The following DMAC2 variants were observed in gnomAD, a reference collection of about 807,000 sequenced individuals.
DMAC2 encodes distal membrane-arm assembly complex protein 2.
In DMAC2, 32 loss-of-function variants were observed where a neutral mutation model predicts 29.6. The ratio of observed to expected loss-of-function variants is 1.08; its 90% CI spans 0.81 to 1.45. DMAC2 has a LOEUF of 1.45. Ranked by LOEUF, DMAC2 falls within the 40% of genes most tolerant of loss-of-function variation. The pLI is 0.00. For missense variants in DMAC2, 319 were observed against 340.0 expected (o/e 0.94, Z 0.49); for synonymous variants, 133 against 137.4 (o/e 0.97, Z 0.23).
intron 2 of DMAC2, 69 bp from the exon 3 acceptor site, chr19:41,436,541 G>GT: frequency 8.0e-7 from 1 of 1,245,436 alleles, no homozygotes; most frequent in African/African-American, 1.5e-5. Flanking sequence ...CCCCAGTGCT[G>GT]TTAAGAGGGG....
intron 1 of DMAC2, among the ~76,000 whole-genome samples, chr19:41,438,711 G>T (rs2304242): frequency 0.35 from 52,450 of 151,816 alleles, 10,153 homozygotes; most frequent in East Asian, 0.56. Flanking sequence ...TGCATTATTT[G>T]ACCTCTTAAT....
chr19:41,437,260 G>A (rs1555771510), intron 2 of DMAC2, among the ~76,000 whole-genome samples: 2 of 151,938 alleles, frequency 1.3e-5, no homozygotes, highest in Non-Finnish European at 2.9e-5. Context: ...ATTAGGTGTG[G>A]TGGCGCCTGC....
chr19:41,436,239 A>T (rs970972514), intron 3 of DMAC2, among the ~76,000 whole-genome samples, 153 bp downstream of exon 3: 30 of 152,196 alleles, frequency 2.0e-4, no homozygotes, highest in Non-Finnish European at 2.5e-4. Flanking sequence ...TTTACACGTG[A>T]CAAAACTGAA....
Position 41,433,614 on chromosome 19 carries a change from C to G in DMAC2, c.356G>C (p.Trp119Ser). Reference sequence around the variant, plus strand: ...TTCGACAGGCACTTCACAGAAATTCCAGAACTCCTGAGAGAAATGGCCATA... The same window carrying G: ...TTCGACAGGCACTTCACAGAAATTCGAGAACTCCTGAGAGAAATGGCCATA... ...DKYGHFSQEF[W>S]NFCEVPVEAV... Residue 119 changes from tryptophan to serine, a missense_variant, in exon 4 of 6, where the codon TGG (tryptophan) becomes TCG (serine). Transcript: ENST00000221943. 6.2e-7 allele frequency: 1 copy of G among 1,614,216 alleles called. No individual in the cohort carries two copies. Among genetic ancestry groups the G allele is most frequent in the Non-Finnish European group, 8.5e-7 (1 of 1,180,032 alleles).
chr19:41,432,311 C>G lies in DMAC2; in HGVS notation c.694G>C (p.Val232Leu), dbSNP rs782673118. The G allele has an allele frequency of 1.2e-6, 2 of 1,614,062 alleles. No homozygotes were observed. Among genetic ancestry groups the G allele is most frequent in the Non-Finnish European group, 1.7e-6 (2 of 1,180,044 alleles). The change falls in exon 6 of 6, where the codon GTG becomes CTG. Residue 232 changes from valine (V) to leucine (L), a missense_variant. By Grantham distance (32) the Val-to-Leu change is conservative. Coordinates refer to ENST00000221943, the MANE Select transcript of DMAC2 (RefSeq NM_018035.3). ...VEEMLPNCEV[V>L]GVDWAEGLKS... ...AGGCCCTCAGCCCAGTCGACTCCCA[C>G]AACCTCGCAATTGGGCAGCATCTCC...
chr19:41,432,444 AG>A, intron 5 of DMAC2, 36 bp from the exon 6 acceptor site: 1 of 1,604,242 alleles, frequency 6.2e-7, no homozygotes, highest in Non-Finnish European at 8.5e-7. Flanking sequence ...AGCCAGTGTA[AG>A]GACAGCATGT....
intron 1 of DMAC2, chr19:41,439,210 C>A: frequency 2.4e-6 from 1 of 420,262 alleles, no homozygotes; most frequent in South Asian, 3.0e-5. Flanking sequence ...TTTGCTTTAA[C>A]CAAATTCTTT....
chr19:41,435,088 C>G (rs1039691196), intron 3 of DMAC2, among the ~76,000 whole-genome samples: 22 of 152,128 alleles, frequency 1.4e-4, no homozygotes, highest in African/African-American at 5.1e-4. Context: ...TCTCACTCCC[C>G]CTGACAGGGT....
In DMAC2 at chr19:41,438,617, C is replaced by T. The variant is rs549773318; in HGVS notation, c.19-203G>A. ...AAGTTCCTCCTCCCCTTAGTGAACC[C>T]TAAATTTTCTCGACTAGCCATATAT... is the stretch of plus-strand genomic sequence containing the variant. On this transcript the variant is annotated intron_variant, in intron 1 of 5. Transcript: ENST00000221943. Among the ~76,000 whole-genome samples, 6 of 152,296 alleles carry T rather than the reference C, an allele frequency of 3.9e-5. No homozygotes were observed. The South Asian group carries it at 1.0e-3, about 26-fold the overall frequency.
In DMAC2 at chr19:41,439,867, A is replaced by G. The variant is rs1338612517; in HGVS notation, c.18+15T>C. On this transcript the variant is annotated intron_variant, in intron 1 of 5. Coordinates refer to ENST00000221943, the MANE Select transcript of DMAC2 (RefSeq NM_018035.3). ...GGACTTCAAATTTGGGGCTCTAGGA[A>G]CTCCGGTCACTTACCGCCCAGGGAG... 2 of 1,613,682 alleles carry G rather than the reference A, an allele frequency of 1.2e-6. No individual in the cohort carries two copies. The highest frequency in any genetic ancestry group is 1.7e-6 in the Non-Finnish European group (2 of 1,179,970).
At chr19:41,438,695 A>G (rs180913570) in intron 1 of DMAC2, among the ~76,000 whole-genome samples, 1 of 152,194 alleles carries the variant, frequency 6.6e-6, no homozygotes, top group East Asian at 1.9e-4. Flanking sequence ...CTTATCACTC[A>G]AAACCTGCAT....
Position 41,433,578 on chromosome 19 carries a change from G to A in DMAC2, c.392C>T (p.Ala131Val), listed in dbSNP as rs576191896. Residue 131 changes from alanine (A) to valine (V), a missense_variant, in exon 4 of 6, where the codon GCC becomes GTC. Coordinates refer to ENST00000221943, the MANE Select transcript of DMAC2 (RefSeq NM_018035.3). ...CTCGTAGTTGATGTCACAGTCACCG[G>A]CATCCACAGCTTCGACAGGCACTTC... ...FCEVPVEAVD[A>V]GDCDINYEGL... is the part of the protein sequence containing the mutation. The A allele has an allele frequency of 1.5e-5, 24 of 1,614,036 alleles. No homozygotes were observed. The highest frequency in any genetic ancestry group is 2.0e-5 in the Non-Finnish European group (24 of 1,180,030).
rs72065187 is a variant in DMAC2, at chr19:41,432,706, C to CGTGTGT, written c.597-304_597-299dup. ...GGGAGATAAGCCAGTATAAGGACAG[C>CGTGTGT]GTGTGTGTGTGTGTGTGTGTGTGTA... On this transcript the variant is annotated intron_variant, in intron 5 of 5. Transcript: ENST00000221943. The CGTGTGT allele has an allele frequency of 3.1e-3, 651 of 209,054 alleles. 18 individuals are homozygous for CGTGTGT. Among genetic ancestry groups the CGTGTGT allele is most frequent in the African/African-American group, 0.029 (581 of 20,008 alleles). 12.9% of individuals were successfully genotyped at this position (209,054 alleles called of 1,614,324 possible). A position where few individuals can be genotyped will look rare whatever the true frequency, so the allele number is the denominator to read the frequency against.
intron 3 of DMAC2, among the ~76,000 whole-genome samples, chr19:41,436,033 G>A (rs1196359028): frequency 6.6e-6 from 1 of 152,018 alleles, no homozygotes; most frequent in Non-Finnish European, 1.5e-5. Context: ...CTGCCACCAC[G>A]CCCAGCTAAG....
chr19:41,439,473 C>T, intron 1 of DMAC2: 1 of 1,536,772 alleles, frequency 6.5e-7, no homozygotes, highest in East Asian at 2.4e-5. Flanking sequence ...ACTTTCCTTA[C>T]ATTCATCCTT....
chr19:41,433,961 C>T (rs1197057301), intron 3 of DMAC2, among the ~76,000 whole-genome samples: 2 of 151,974 alleles, frequency 1.3e-5, no homozygotes, highest in African/African-American at 2.4e-5. Flanking sequence ...TGGCCAGGTG[C>T]GGTGGCTCAC....
intron 2 of DMAC2, among the ~76,000 whole-genome samples, chr19:41,436,792 G>A (rs782481386): frequency 2.0e-5 from 3 of 152,200 alleles, no homozygotes; most frequent in Non-Finnish European, 4.4e-5. Context: ...CAGAGAGGCT[G>A]ACTGTGAGGG....
At position 41,431,454 on chromosome 19, in the gene DMAC2, G is replaced by C; in HGVS notation, c.*777C>G. 5.1e-6 allele frequency: 2 copies of C among 392,294 alleles called. No individual in the cohort carries two copies. The highest frequency in any genetic ancestry group is 3.9e-4 in the Middle Eastern group (1 of 2,564). 24.3% of individuals were successfully genotyped at this position (392,294 alleles called of 1,614,324 possible). A position where few individuals can be genotyped will look rare whatever the true frequency, so the allele number is the denominator to read the frequency against. On this transcript the variant is annotated 3_prime_UTR_variant, in exon 6 of 6. Transcript: ENST00000221943. The stretch of plus-strand genomic sequence containing the variant: ...GGTGCTGGGGAACGTTATTCCCAGA[G>C]AGGTGCCTCAGTGGAGGCGCTGTGT...
chr19:41,432,867 TGC>T, intron 5 of DMAC2: 2 of 517,464 alleles, frequency 3.9e-6, no homozygotes, highest in Admixed American at 3.6e-5. Flanking sequence ...TGTGTGTGCG[TGC>T]GTGTGTGTGT....
Sources: gnomAD v4.1 joint callset for allele counts (sites outside exome capture counted in the v4.1 genomes callset) on GRCh38, gnomAD v4.1.1 for gene constraint, MANE v1.5 for transcripts, NCBI Gene and HGNC (gene_info 2026-07-23, HGNC 2026-07-21) for gene names.